The following ABHD2 variants were observed in gnomAD, a reference collection of about 807,000 sequenced individuals.
ABHD2 encodes abhydrolase domain containing 2, acylglycerol lipase.
ABHD2 carries 20 observed loss-of-function variants against 48.1 expected under a neutral mutation model. The ratio of observed to expected loss-of-function variants is 0.42; its 90% CI spans 0.29 to 0.60. The LOEUF is 0.60. Ranked by LOEUF, ABHD2 falls within the 20% of genes least tolerant of loss-of-function variation. The probability of loss-of-function intolerance (pLI) is 0.24; values close to 1 mark genes in which losing one functional copy is unlikely to be tolerated. For missense variants in ABHD2, 405 were observed against 550.9 expected (o/e 0.74, Z 2.65); for synonymous variants, 209 against 214.2 (o/e 0.98, Z 0.21).
the ABHD2 span, among the ~76,000 whole-genome samples, chr15:89,063,733 C>T: frequency 1.3e-5 from 2 of 152,174 alleles, no homozygotes; most frequent in Non-Finnish European, 2.9e-5. Flanking sequence ...CACCACGATT[C>T]ACTTCCAGAA....
At chr15:89,149,492 A>G (rs2050556191) in intron 3 of ABHD2, among the ~76,000 whole-genome samples, 1 of 152,194 alleles carries the variant, frequency 6.6e-6, no homozygotes, top group African/African-American at 2.4e-5. Flanking sequence ...CTCTGGGGAT[A>G]GAGCTAGAGG....
chr15:89,084,465 AATTTTTGT>A (rs1901323886), upstream of ABHD2, among the ~76,000 whole-genome samples: 1 of 151,930 alleles, frequency 6.6e-6, no homozygotes, highest in Non-Finnish European at 1.5e-5. This position sits in a 1 kb window ranked among gnomAD's most constrained non-coding sequence, Gnocchi z 4.4. Flanking sequence ...ACACCCAGCT[AATTTTTGT>A]ATTTTTAGTA....
chr15:89,156,619 TCCC>T (rs1254792184), intron 5 of ABHD2, among the ~76,000 whole-genome samples: 3 of 151,280 alleles, frequency 2.0e-5, no homozygotes, highest in African/African-American at 7.3e-5. Flanking sequence ...ACGCCTGTAA[TCCC>T]AGCTATTCAG....
At chr15:89,140,218 C>T (rs566423079) in intron 3 of ABHD2, among the ~76,000 whole-genome samples, 17 of 152,310 alleles carry the variant, frequency 1.1e-4, no homozygotes, top group Admixed American at 9.1e-4. Flanking sequence ...AGTTCTTTTC[C>T]TCAAGCTCTA....
Position 89,183,387 on chromosome 15 carries a change from ATATATATATAT to A in ABHD2, c.723-2036_723-2026del, listed in dbSNP as rs1567109346. On this transcript the variant is annotated intron_variant, in intron 6 of 10. Coordinates refer to ENST00000352732, the MANE Select transcript of ABHD2 (RefSeq NM_152924.5). ...CCTTTTCAAAAAAAAAAAAAAAAATATATATATATATATATATATATATATATATGAGATGA... is the reference window on the plus strand; with the variant it reads ...CCTTTTCAAAAAAAAAAAAAAAAATAATATATATATATATATATGAGATGA... The A allele has an allele frequency of 4.0e-3, 301 of 76,154 alleles. 1 individual carries two copies. The highest frequency in any genetic ancestry group is 0.013 in the Middle Eastern group (2 of 158). The allele number at this position is 76,154 out of a possible 1,614,324, so 4.7% of individuals were successfully genotyped here. A position where few individuals can be genotyped will look rare whatever the true frequency, so the allele number is the denominator to read the frequency against.
At chr15:89,127,727 AT>A (rs2050156893) in intron 3 of ABHD2, among the ~76,000 whole-genome samples, 2 of 142,664 alleles carry the variant, frequency 1.4e-5, no homozygotes, top group African/African-American at 5.5e-5. Flanking sequence ...ATACACATAT[AT>A]ATATATATAT....
intron 1 of ABHD2, among the ~76,000 whole-genome samples, chr15:89,110,584 T>G (rs2049858710): frequency 6.6e-6 from 1 of 152,188 alleles, no homozygotes; most frequent in African/African-American, 2.4e-5. Flanking sequence ...GAGAATTTAC[T>G]TAACTGCCAA....
chr15:89,127,492 T>A (rs2050147366), intron 3 of ABHD2, among the ~76,000 whole-genome samples: 1 of 151,896 alleles, frequency 6.6e-6, no homozygotes, highest in African/African-American at 2.4e-5. Flanking sequence ...TTTCCTGTGA[T>A]ATGTAGCACC....
rs1449937375 is a variant in ABHD2, at chr15:89,116,438, C to T, written c.111C>T (p.Ser37=). The T allele has an allele frequency of 2.5e-6, 4 of 1,614,202 alleles. No homozygotes were observed. Among genetic ancestry groups the T allele is most frequent in the Non-Finnish European group, 3.4e-6 (4 of 1,180,020 alleles). ...TCGTCCGGTGTTTGAACCTGAAGAGCCCCACAGCCCCACCTGACCTCTACT... is the reference window on the plus strand; with the variant it reads ...TCGTCCGGTGTTTGAACCTGAAGAGTCCCACAGCCCCACCTGACCTCTACT... ...YVIVRCLNLK[S]PTAPPDLYFQ... Residue 37 remains serine (S), a synonymous_variant, in exon 3 of 11, where the codon AGC becomes AGT. Coordinates refer to ENST00000352732, the MANE Select transcript of ABHD2 (RefSeq NM_152924.5). This position sits in a 1 kb window ranked among gnomAD's most constrained non-coding sequence, Gnocchi z 4.6.
rs1164188697 is a variant in ABHD2, at chr15:89,183,380, AAAAAATATATATAT to A, written c.723-2042_723-2029del. ...CATCAGTCCTTTTCAAAAAAAAAAA[AAAAAATATATATAT>A]ATATATATATATATATATATATGAG... On this transcript the variant is annotated intron_variant, in intron 6 of 10. Coordinates refer to ENST00000352732, the MANE Select transcript of ABHD2 (RefSeq NM_152924.5). The A allele has an allele frequency of 4.1e-3, 242 of 58,418 alleles. 1 individual carries two copies. Among genetic ancestry groups the A allele is most frequent in the South Asian group, 0.037 (70 of 1,916 alleles). The allele number at this position is 58,418 out of a possible 1,614,324, so 3.6% of individuals were successfully genotyped here. A position where few individuals can be genotyped will look rare whatever the true frequency, so the allele number is the denominator to read the frequency against.
chr15:89,162,594 T>C (rs2050778837), intron 5 of ABHD2, among the ~76,000 whole-genome samples: 1 of 152,120 alleles, frequency 6.6e-6, no homozygotes, highest in African/African-American at 2.4e-5. Flanking sequence ...AAGGCCCTTC[T>C]GTGGTCTTCA....
In ABHD2 at chr15:89,166,414, T is replaced by C. The variant is rs566135506; in HGVS notation, c.539-9398T>C. Among the ~76,000 whole-genome samples the C allele has an allele frequency of 6.6e-5, 10 of 152,320 alleles. No individual in the cohort carries two copies. In the East Asian group the frequency reaches 1.9e-3, roughly 29 times the overall value. On this transcript the variant is annotated intron_variant, in intron 5 of 10. Transcript: ENST00000352732. The surrounding 1 kb of genome is among the most constrained non-coding windows in gnomAD (Gnocchi z 4.6). ...TCAAGCTGTGAGGAAGTACGTGAAA[T>C]CACAGCATTGAATTCTCTTGCTGGG... is the stretch of plus-strand genomic sequence containing the variant.
In ABHD2 at chr15:89,188,364, G is replaced by A; in HGVS notation, c.926+61G>A. ...GCAGGGTGCCAGGCAGGAGGCTGCA[G>A]GTCAGCTGTGCCCAGCACTAGTGTT... On this transcript the variant is annotated intron_variant, in intron 8 of 10. Coordinates refer to ENST00000352732, the MANE Select transcript of ABHD2 (RefSeq NM_152924.5). The surrounding 1 kb of genome is among the most constrained non-coding windows in gnomAD (Gnocchi z 4.1). The A allele has an allele frequency of 3.4e-6, 5 of 1,472,832 alleles. No individual in the cohort carries two copies. The highest frequency in any genetic ancestry group is 3.8e-6 in the Non-Finnish European group (4 of 1,056,456). The allele number at this position is 1,472,832 out of a possible 1,614,324, so 91.2% of individuals were successfully genotyped here.
In ABHD2 at chr15:89,184,041, G is replaced by A. The variant is rs375641411; in HGVS notation, c.723-1383G>A. Among the ~76,000 whole-genome samples, 3 of 152,240 alleles carry A rather than the reference G, an allele frequency of 2.0e-5. No homozygotes were observed. The highest frequency in any genetic ancestry group is 7.2e-5 in the African/African-American group (3 of 41,536). Reference sequence around the variant, plus strand: ...CTTCCTGTAGTGCTTGGTTAGAGTCGGGCGGGGGTTGGCTGCACATTTATG... The same window carrying A: ...CTTCCTGTAGTGCTTGGTTAGAGTCAGGCGGGGGTTGGCTGCACATTTATG... On this transcript the variant is annotated intron_variant, in intron 6 of 10. Transcript: ENST00000352732. The surrounding 1 kb of genome is among the most constrained non-coding windows in gnomAD (Gnocchi z 5.1).
chr15:89,051,874 C>T, the ABHD2 span, among the ~76,000 whole-genome samples: 176 of 152,172 alleles, frequency 1.2e-3, 1 homozygote, highest in African/African-American at 4.0e-3. Flanking sequence ...AATAGAGGTA[C>T]CATGTCAATA....
intron 6 of ABHD2, among the ~76,000 whole-genome samples, chr15:89,181,834 A>C (rs1359184825): frequency 6.6e-6 from 1 of 152,262 alleles, no homozygotes; most frequent in Non-Finnish European, 1.5e-5. Flanking sequence ...TGGTTGGCTC[A>C]GCTCTTCCTT....
At position 89,184,289 on chromosome 15, in the gene ABHD2, A is replaced by G. The variant is rs1443680541; in HGVS notation, c.723-1135A>G. Among the ~76,000 whole-genome samples the G allele has an allele frequency of 6.6e-6, 1 of 152,184 alleles. No homozygotes were observed. Among genetic ancestry groups the G allele is most frequent in the Non-Finnish European group, 1.5e-5 (1 of 68,042 alleles). On this transcript the variant is annotated intron_variant, in intron 6 of 10. Transcript: ENST00000352732. This position sits in a 1 kb window ranked among gnomAD's most constrained non-coding sequence, Gnocchi z 5.1. Reference sequence around the variant, plus strand: ...GCAGCTTTGGGGAAATTACTTTTATAAAATTACTTTTATAAACTCCCTGGA... The same window carrying G: ...GCAGCTTTGGGGAAATTACTTTTATGAAATTACTTTTATAAACTCCCTGGA...
the ABHD2 span, among the ~76,000 whole-genome samples, chr15:89,052,768 T>G: frequency 6.6e-6 from 1 of 152,124 alleles, no homozygotes; most frequent in Admixed American, 6.5e-5. Context: ...CCTCCAGAAC[T>G]GTGAAACAAC....
chr15:89,068,440 G>T, the ABHD2 span, among the ~76,000 whole-genome samples: 1 of 152,132 alleles, frequency 6.6e-6, no homozygotes, highest in Non-Finnish European at 1.5e-5. Flanking sequence ...CTCAACAATT[G>T]GGGGCTAGAG....
Sources: allele counts gnomAD v4.1 joint callset (sites outside exome capture counted in the v4.1 genomes callset), GRCh38; gene constraint gnomAD v4.1.1; non-coding constraint Gnocchi (gnomAD v3.1); transcripts MANE v1.5; gene names NCBI Gene and HGNC (gene_info 2026-07-23, HGNC 2026-07-21).